The following DISP3 variants were observed in gnomAD, a reference collection of about 807,000 sequenced individuals.
DISP3 encodes the protein protein dispatched homolog 3.
Under a neutral mutation model 135.3 loss-of-function variants are expected in DISP3, and 101 were observed. That is an observed-to-expected ratio of 0.75 (90% CI 0.64 to 0.88). DISP3 has a LOEUF of 0.88. Among genes scored for constraint, DISP3 ranks in the 40% least tolerant of loss-of-function variants. The probability of loss-of-function intolerance (pLI) is 0.00; values close to 1 mark genes in which losing one functional copy is unlikely to be tolerated. For missense variants in DISP3, 1,713 were observed against 1,878.6 expected (o/e 0.91, Z 1.63); for synonymous variants, 856 against 817.0 (o/e 1.05, Z -0.81).
intron 12 of DISP3, among the ~76,000 whole-genome samples, chr1:11,526,047 G>C (rs1483973438): frequency 6.6e-6 from 1 of 152,084 alleles, no homozygotes; most frequent in African/African-American, 2.4e-5. Context: ...TCTTTAACGT[G>C]GTACACACCC....
chr1:11,522,901 AG>A (rs1642280554), intron 10 of DISP3, among the ~76,000 whole-genome samples: 1 of 127,714 alleles, frequency 7.8e-6, no homozygotes, highest in African/African-American at 3.0e-5. Flanking sequence ...GGACCCAGCC[AG>A]AGCCCAGCCA....
rs59588405 is a variant in DISP3, at chr1:11,490,590, T to A, written c.-3-10400T>A. Among the ~76,000 whole-genome samples, 12 of 152,024 alleles carry A rather than the reference T, an allele frequency of 7.9e-5. 1 individual carries two copies. The highest frequency in any genetic ancestry group is 2.4e-4 in the African/African-American group (10 of 41,358). On this transcript the variant is annotated intron_variant, in intron 1 of 20. Coordinates refer to ENST00000294484, the MANE Select transcript of DISP3 (RefSeq NM_020780.2). ...GGCCATGTTGGTGATTTTATTAAGC[T>A]TCCATTGTCTTTTCCTCATTGATGC...
Position 11,534,454 on chromosome 1 carries a change from A to AGCT in DISP3, c.3452_3454dup (p.Leu1151dup). 2.5e-6 allele frequency: 4 copies of AGCT among 1,614,198 alleles called. No individual in the cohort carries two copies. The highest frequency in any genetic ancestry group is 3.4e-6 in the Non-Finnish European group (4 of 1,180,030). On this transcript the variant is annotated inframe_insertion, in exon 18 of 21. Transcript: ENST00000294484. Reference sequence around the variant, plus strand: ...CGCTGGGAGAGCTTCCTCCAGCAGCAGCTGCAGGCCTTGCCCGAGGGCTCA... The same window carrying AGCT: ...CGCTGGGAGAGCTTCCTCCAGCAGCAGCTGCTGCAGGCCTTGCCCGAGGGCTCA...
chr1:11,514,522 C>T lies in DISP3; in HGVS notation c.1449C>T (p.Cys483=). The change falls in exon 4 of 21, where the codon TGC becomes TGT. Residue 483 remains cysteine (C), a synonymous_variant. Coordinates refer to ENST00000294484, the MANE Select transcript of DISP3 (RefSeq NM_020780.2). ...CCCTGGTCTACATCCTCACCTCCTG[C>T]TCAGGTAGGGCTTCTCTCAAGCCAG... ...IAALVYILTS[C]SVFLSFFGIA... is the part of the protein sequence containing the mutation. 2 of 1,613,732 alleles carry T rather than the reference C, an allele frequency of 1.2e-6. No homozygotes were observed. Among genetic ancestry groups the T allele is most frequent in the Middle Eastern group, 1.7e-4 (1 of 5,946 alleles).
chr1:11,511,854 A>G (rs1029239848), intron 3 of DISP3, among the ~76,000 whole-genome samples: 3 of 152,318 alleles, frequency 2.0e-5, no homozygotes, highest in South Asian at 2.1e-4. Flanking sequence ...AGACGTTTCC[A>G]TATATCTTCT....
At chr1:11,511,117 A>G (rs1025176461) in intron 3 of DISP3, among the ~76,000 whole-genome samples, 3 of 152,302 alleles carry the variant, frequency 2.0e-5, no homozygotes, top group Admixed American at 1.3e-4. Flanking sequence ...GGGAGATGCA[A>G]TTCAAGTTGA....
At chr1:11,521,335 G>C (rs114572956) in intron 10 of DISP3, among the ~76,000 whole-genome samples, 2,008 of 138,922 alleles carry the variant, frequency 0.014, 81 homozygotes, top group African/African-American at 0.054. Context: ...GGAGGAGAAA[G>C]GAGGGAAGAG....
chr1:11,511,420 G>A (rs1641852140), intron 3 of DISP3, among the ~76,000 whole-genome samples: 1 of 152,078 alleles, frequency 6.6e-6, no homozygotes, highest in African/African-American at 2.4e-5. Flanking sequence ...AAAACAAAGG[G>A]GTTACAGGGC....
In DISP3 at chr1:11,531,657, G is replaced by A; in HGVS notation, c.3322G>A (p.Ala1108Thr). 2 of 1,613,026 alleles carry A rather than the reference G, an allele frequency of 1.2e-6. No homozygotes were observed. Among genetic ancestry groups the A allele is most frequent in the Non-Finnish European group, 1.7e-6 (2 of 1,179,706 alleles). The change falls in exon 17 of 21, where the codon GCA (alanine) becomes ACA (threonine). Residue 1108 changes from alanine to threonine, a missense_variant. Ala to Thr is a moderately conservative substitution (Grantham distance 58). Transcript: ENST00000294484. This position sits in a 1 kb window ranked among gnomAD's most constrained non-coding sequence, Gnocchi z 5.2. ...NLLPGQLSHG[A>T]VGVREGRVQW... ...GCTCCCGGGGCAGCTGTCCCACGGGGCAGTGGGCGTCAGGGAGGGCCGCGT... is the reference window on the plus strand; with the variant it reads ...GCTCCCGGGGCAGCTGTCCCACGGGACAGTGGGCGTCAGGGAGGGCCGCGT...
Position 11,536,882 on chromosome 1 carries a change from A to T in DISP3, c.*196A>T, listed in dbSNP as rs1313179282. ...GAGCTGGGAGTTGGAGACAGCCGCC[A>T]CCCCACAGGCCGGGCTACTGGCAGC... On this transcript the variant is annotated 3_prime_UTR_variant, in exon 21 of 21. Coordinates refer to ENST00000294484, the MANE Select transcript of DISP3 (RefSeq NM_020780.2). This position sits in a 1 kb window ranked among gnomAD's most constrained non-coding sequence, Gnocchi z 4.3. 4.0e-6 allele frequency: 3 copies of T among 751,978 alleles called. No homozygotes were observed. The highest frequency in any genetic ancestry group is 6.1e-6 in the Non-Finnish European group (3 of 493,886). The allele number at this position is 751,978 out of a possible 1,614,324, so 46.6% of individuals were successfully genotyped here. A position where few individuals can be genotyped will look rare whatever the true frequency, so the allele number is the denominator to read the frequency against.
At chr1:11,515,968 A>C (rs1302722459) in intron 5 of DISP3, 33 bp from the exon 6 acceptor site, 1 of 1,608,498 alleles carries the variant, frequency 6.2e-7, no homozygotes, top group East Asian at 2.2e-5. Context: ...CAGCAGAATA[A>C]TCCTGAGCCT....
chr1:11,531,083 G>C lies in DISP3; in HGVS notation c.3229+50G>C, dbSNP rs533157864. ...TCCTCCGAGGGAGGATGGACTGACT[G>C]GGGAGGCACAGAGGCCGTGGTCCAA... is the stretch of plus-strand genomic sequence containing the variant. On this transcript the variant is annotated intron_variant, in intron 16 of 20. Transcript: ENST00000294484. The surrounding 1 kb of genome is among the most constrained non-coding windows in gnomAD (Gnocchi z 5.2). 60 of 1,605,828 alleles carry C rather than the reference G, an allele frequency of 3.7e-5. No homozygotes were observed. In the East Asian group the frequency reaches 1.3e-3, roughly 34 times the overall value.
chr1:11,500,954 T>A, intron 1 of DISP3, 36 bp from the exon 2 acceptor site: 1 of 1,607,340 alleles, frequency 6.2e-7, no homozygotes, highest in Non-Finnish European at 8.5e-7. Context: ...CCCCTCACTG[T>A]CTCTCTAGCC....
chr1:11,497,682 C>G (rs2100393498), intron 1 of DISP3, among the ~76,000 whole-genome samples: 1 of 152,352 alleles, frequency 6.6e-6, no homozygotes, highest in South Asian at 2.1e-4. Context: ...GCCACCGCAC[C>G]CGGCCCATTG....
intron 7 of DISP3, among the ~76,000 whole-genome samples, chr1:11,518,113 C>T (rs1215305270): frequency 6.6e-6 from 1 of 152,084 alleles, no homozygotes; most frequent in African/African-American, 2.4e-5. Flanking sequence ...CCTTGTGGGC[C>T]TGGTGGTTGG....
chr1:11,501,661 C>A lies in DISP3; in HGVS notation c.669C>A (p.Asn223Lys). The change falls in exon 2 of 21, where the codon AAC (asparagine) becomes AAA (lysine). Residue 223 changes from asparagine (N) to lysine (K), a missense_variant. Physicochemically the swap from Asn to Lys is moderately conservative, Grantham distance 94. Around this residue, in one of 2 missense-constraint regions of DISP3, gnomAD observed 571 missense variants for 494.1 expected, o/e 1.16. Coordinates refer to ENST00000294484, the MANE Select transcript of DISP3 (RefSeq NM_020780.2). This position sits in a 1 kb window ranked among gnomAD's most constrained non-coding sequence, Gnocchi z 4.9. ...CCAACCAGAGTGAAGACCCGCGAAACCAGCGGCTGAGCAAGAATGGGCGGT... is the reference window on the plus strand; with the variant it reads ...CCAACCAGAGTGAAGACCCGCGAAAACAGCGGCTGAGCAAGAATGGGCGGT... ...LAANQSEDPR[N>K]QRLSKNGRYQ... 3 of 1,608,576 alleles carry A rather than the reference C, an allele frequency of 1.9e-6. No homozygotes were observed. In the South Asian group the frequency reaches 3.3e-5, roughly 18 times the overall value.
chr1:11,492,121 CAAAAAAAA>C (rs59755389), intron 1 of DISP3, among the ~76,000 whole-genome samples: 2 of 62,182 alleles, frequency 3.2e-5, no homozygotes, highest in Admixed American at 2.0e-4. Flanking sequence ...GACTCCGTCT[CAAAAAAAA>C]AAAAAAAAAA....
intron 1 of DISP3, among the ~76,000 whole-genome samples, chr1:11,496,056 A>G (rs943148555): frequency 2.6e-5 from 4 of 152,190 alleles, no homozygotes; most frequent in Admixed American, 6.5e-5. Flanking sequence ...ATCACCCATA[A>G]TCCTCCCAAA....
Position 11,529,963 on chromosome 1 carries a change from C to A in DISP3, c.3102+4C>A, listed in dbSNP as rs368511589. 1.4e-5 allele frequency: 22 copies of A among 1,610,914 alleles called. No individual in the cohort carries two copies. In the African/African-American group the frequency reaches 2.8e-4, roughly 21 times the overall value. On this transcript the variant is annotated splice_donor_region_variant and intron_variant, in intron 15 of 20. Coordinates refer to ENST00000294484, the MANE Select transcript of DISP3 (RefSeq NM_020780.2). The surrounding 1 kb of genome is among the most constrained non-coding windows in gnomAD (Gnocchi z 4.7). ...CAACCACGTCATTGGAGACCCGGTA[C>A]GGGGCATGCGTCGGGCAGATGCCGA...
Sources: allele counts gnomAD v4.1 joint callset (sites outside exome capture counted in the v4.1 genomes callset), GRCh38; gene constraint gnomAD v4.1.1; regional missense constraint gnomAD v4.1.1; non-coding constraint Gnocchi (gnomAD v3.1); transcripts MANE v1.5; gene names NCBI Gene and HGNC (gene_info 2026-07-23, HGNC 2026-07-21).